Variants in XRCC4 observed in about 807,000 individuals in gnomAD.
XRCC4 encodes X-ray repair cross complementing 4.
XRCC4 carries 28 observed loss-of-function variants against 39.1 expected under a neutral mutation model. The ratio of observed to expected loss-of-function variants is 0.72; its 90% CI spans 0.53 to 0.98. The LOEUF (loss-of-function observed/expected upper bound fraction) is 0.98, where lower values mean the gene tolerates loss of function less well. XRCC4 is among the 50% of genes least tolerant of loss of function. XRCC4 has a pLI of 0.00. For synonymous variants in XRCC4, 123 were observed against 126.4 expected (o/e 0.97, Z 0.18); for missense variants, 350 against 376.4 (o/e 0.93, Z 0.58).
intron 7 of XRCC4, among the ~76,000 whole-genome samples, chr5:83,296,432 A>G (rs1755096302): frequency 6.6e-6 from 1 of 152,178 alleles, no homozygotes; most frequent in Non-Finnish European, 1.5e-5. Context: ...TCTATAAGAA[A>G]TAAGAATTTC....
At chr5:83,135,216 G>A (rs1186867443) in intron 3 of XRCC4, among the ~76,000 whole-genome samples, 2 of 152,106 alleles carry the variant, frequency 1.3e-5, no homozygotes, top group African/African-American at 2.4e-5. Flanking sequence ...ATGCTCTGTG[G>A]GCTGCACCCA....
intron 4 of XRCC4, 149 bp downstream of exon 4, chr5:83,196,085 TC>T: frequency 1.3e-6 from 1 of 761,228 alleles, no homozygotes; most frequent in Non-Finnish European, 1.9e-6. Context: ...AAATTATTCA[TC>T]ACTATTGTAT....
At chr5:83,248,025 C>A (rs985394692) in intron 6 of XRCC4, among the ~76,000 whole-genome samples, 3 of 152,072 alleles carry the variant, frequency 2.0e-5, no homozygotes, top group Non-Finnish European at 4.4e-5. Flanking sequence ...AATAGCGAAG[C>A]CCTCCTGACA....
intron 7 of XRCC4, among the ~76,000 whole-genome samples, chr5:83,324,380 T>C (rs1756177699): frequency 6.6e-6 from 1 of 152,166 alleles, no homozygotes; most frequent in Non-Finnish European, 1.5e-5. Flanking sequence ...CTCCACAACA[T>C]TAACTGGAAT....
intron 3 of XRCC4, among the ~76,000 whole-genome samples, chr5:83,135,538 G>A (rs974778439): frequency 6.6e-5 from 10 of 151,372 alleles, no homozygotes; most frequent in Non-Finnish European, 1.2e-4. Context: ...TTCTTTTCTC[G>A]TTTTTTGGGG....
At chr5:83,098,696 T>C (rs934857037) in intron 1 of XRCC4, among the ~76,000 whole-genome samples, 30 of 152,196 alleles carry the variant, frequency 2.0e-4, no homozygotes, top group Middle Eastern at 3.4e-3. Flanking sequence ...TAATTTACCC[T>C]TTGGTAACAC....
intron 7 of XRCC4, among the ~76,000 whole-genome samples, chr5:83,343,086 C>T (rs547929464): frequency 1.4e-5 from 2 of 142,896 alleles, no homozygotes; most frequent in African/African-American, 5.2e-5. Context: ...TTTTTTTAAC[C>T]AAATGATGTG....
At chr5:83,315,863 T>A (rs1236203053) in intron 7 of XRCC4, among the ~76,000 whole-genome samples, 1 of 152,180 alleles carries the variant, frequency 6.6e-6, no homozygotes, top group Non-Finnish European at 1.5e-5. Flanking sequence ...ACATTCATTT[T>A]GCAGCGATAG....
chr5:83,313,981 A>G lies in XRCC4; in HGVS notation c.894-39150A>G, dbSNP rs1755795596. Among the ~76,000 whole-genome samples, 3 of 152,102 alleles carry G rather than the reference A, an allele frequency of 2.0e-5. 1 individual carries two copies. In the South Asian group the frequency reaches 6.2e-4, roughly 31 times the overall value. ...AGCTTTCTGAGTAAAGAATTTCTAG[A>G]CATCTTGTGTCCAACCAAGAACACA... On this transcript the variant is annotated intron_variant, in intron 7 of 7. Transcript: ENST00000396027.
chr5:83,330,660 C>T (rs1756409367), intron 7 of XRCC4, among the ~76,000 whole-genome samples: 1 of 151,742 alleles, frequency 6.6e-6, no homozygotes, highest in Admixed American at 6.6e-5. Context: ...TAGGTGGTAG[C>T]TTTGCAGGAG....
intron 7 of XRCC4, among the ~76,000 whole-genome samples, chr5:83,295,473 T>C (rs540449863): frequency 1.3e-5 from 2 of 152,162 alleles, no homozygotes; most frequent in South Asian, 2.1e-4. Context: ...CTCCATGATA[T>C]GTGCTATGAG....
chr5:83,132,876 T>G (rs1391896009), intron 3 of XRCC4, among the ~76,000 whole-genome samples: 1 of 152,194 alleles, frequency 6.6e-6, no homozygotes, highest in African/African-American at 2.4e-5. Context: ...ATCTGAAGCC[T>G]TCTTCTCTCA....
the XRCC4 span, among the ~76,000 whole-genome samples, chr5:83,362,473 G>A: frequency 3.3e-4 from 50 of 152,092 alleles, no homozygotes; most frequent in Non-Finnish European, 4.1e-4. Context: ...CTGACTTGGA[G>A]ATAGCTTTTC....
intron 3 of XRCC4, among the ~76,000 whole-genome samples, chr5:83,152,656 A>T (rs1315051151): frequency 2.0e-5 from 3 of 151,520 alleles, no homozygotes; most frequent in Non-Finnish European, 2.9e-5. Flanking sequence ...AAAAAAAAGA[A>T]ATAGAACTTC....
At chr5:83,357,456 G>A (rs371266057), downstream of XRCC4, among the ~76,000 whole-genome samples, 1 of 152,100 alleles carries the variant, frequency 6.6e-6, no homozygotes, top group East Asian at 1.9e-4. Flanking sequence ...AAATCGGGGG[G>A]GTTGGAGAGT....
At chr5:83,285,589 A>T (rs1178579723) in intron 7 of XRCC4, among the ~76,000 whole-genome samples, 2 of 152,152 alleles carry the variant, frequency 1.3e-5, no homozygotes, top group Admixed American at 6.6e-5. Flanking sequence ...AAATAAAGGA[A>T]TCAAAAGAGT....
intron 7 of XRCC4, among the ~76,000 whole-genome samples, chr5:83,313,724 T>G (rs1174220279): frequency 6.6e-6 from 1 of 152,170 alleles, no homozygotes; most frequent in Admixed American, 6.5e-5. Context: ...ATTGACTTGC[T>G]TCCTCCTTCA....
the XRCC4 span, among the ~76,000 whole-genome samples, chr5:83,367,871 G>A: frequency 1.3e-5 from 2 of 151,916 alleles, no homozygotes; most frequent in East Asian, 3.9e-4. Flanking sequence ...GGGATTACAG[G>A]CATGAGCCAC....
At chr5:83,290,269 A>G (rs40124) in intron 7 of XRCC4, among the ~76,000 whole-genome samples, 44,418 of 151,572 alleles carry the variant, frequency 0.29, 9,891 homozygotes, top group African/African-American at 0.63. Context: ...TCTCCTTCAT[A>G]TAATAAATTT....
Sources: allele counts gnomAD v4.1 joint callset (sites outside exome capture counted in the v4.1 genomes callset), GRCh38; gene constraint gnomAD v4.1.1; transcripts MANE v1.5; gene names NCBI Gene and HGNC (gene_info 2026-07-23, HGNC 2026-07-21).